The following EEF1E1 variants were observed in gnomAD, a reference collection of about 807,000 sequenced individuals.
EEF1E1 encodes eukaryotic translation elongation factor 1 epsilon-1.
EEF1E1 carries 19 observed loss-of-function variants against 19.9 expected under a neutral mutation model. That is an observed-to-expected ratio of 0.95 (90% CI 0.66 to 1.40). The LOEUF (loss-of-function observed/expected upper bound fraction) is 1.40. Among genes scored for constraint, EEF1E1 ranks in the 40% most tolerant of loss-of-function variants. The pLI is 0.00. For missense variants in EEF1E1, 198 were observed against 202.2 expected, an observed-to-expected ratio of 0.98 and a Z score of 0.13; for synonymous variants, 81 against 80.0, an observed-to-expected ratio of 1.01 and a Z score of -0.07.
At chr6:8,087,905 G>T (rs530222494) in intron 3 of EEF1E1, among the ~76,000 whole-genome samples, 26 of 152,230 alleles carry the variant, frequency 1.7e-4, no homozygotes, top group Non-Finnish European at 3.1e-4. Flanking sequence ...TTTTTCCACA[G>T]GGGGAAGATG....
Position 8,090,425 on chromosome 6 carries a change from A to T in EEF1E1, c.289-144T>A, listed in dbSNP as rs1561884971. On this transcript the variant is annotated intron_variant, in intron 2 of 3. Transcript: ENST00000379715. ...AATTTACTCTTTGACATTAATATTC[A>T]TTCAAAATCACAAATAATACGCCAG... 4 of 632,136 alleles carry T rather than the reference A, an allele frequency of 6.3e-6. No homozygotes were observed. In the East Asian group the frequency reaches 1.4e-4, roughly 22 times the overall value. 39.2% of individuals were successfully genotyped at this position (632,136 alleles called of 1,614,324 possible).
chr6:8,094,720 G>A (rs1758118294), intron 2 of EEF1E1, among the ~76,000 whole-genome samples: 1 of 152,086 alleles, frequency 6.6e-6, no homozygotes. Flanking sequence ...AATTGCACAG[G>A]TCCACTTAAA....
At chr6:8,081,547 T>C (rs575332703) in intron 3 of EEF1E1, among the ~76,000 whole-genome samples, 1 of 152,336 alleles carries the variant, frequency 6.6e-6, no homozygotes, top group African/African-American at 2.4e-5. Flanking sequence ...AAACTGAGCA[T>C]CAGTCTATAT....
chr6:8,095,143 G>C (rs528645656), intron 2 of EEF1E1, among the ~76,000 whole-genome samples: 14 of 152,146 alleles, frequency 9.2e-5, no homozygotes, highest in Non-Finnish European at 1.8e-4. Flanking sequence ...TTATTAAAAG[G>C]AGAGTGTAAG....
chr6:8,099,751 AACACACACACACACACACACACAC>A (rs1554099744), intron 1 of EEF1E1, among the ~76,000 whole-genome samples: 1 of 92,930 alleles, frequency 1.1e-5, no homozygotes, highest in Non-Finnish European at 2.0e-5. Context: ...CCGCCTCAAA[AACACACACACACACACACACACAC>A]ACACACACAC....
chr6:8,093,883 C>T (rs761052812), intron 2 of EEF1E1, among the ~76,000 whole-genome samples: 12 of 151,876 alleles, frequency 7.9e-5, no homozygotes, highest in African/African-American at 1.9e-4. Context: ...CTGCAACCTC[C>T]GCCTCCCAGG....
intron 1 of EEF1E1, 75 bp downstream of exon 1, chr6:8,102,360 G>C: frequency 6.9e-7 from 1 of 1,449,602 alleles, no homozygotes; most frequent in South Asian, 1.2e-5. Context: ...CTGGTGGCCG[G>C]CCCGGGTCCT....
chr6:8,084,873 G>C (rs1049693457), intron 3 of EEF1E1, among the ~76,000 whole-genome samples: 2 of 152,190 alleles, frequency 1.3e-5, no homozygotes, highest in African/African-American at 4.8e-5. Flanking sequence ...GCCACCAGGA[G>C]AGAGATGCTT....
intron 3 of EEF1E1, among the ~76,000 whole-genome samples, chr6:8,081,473 T>G (rs1421796768): frequency 6.6e-6 from 1 of 152,324 alleles, no homozygotes; most frequent in East Asian, 1.9e-4. Flanking sequence ...ACTGGTAGAT[T>G]CAAACTGAAA....
chr6:8,102,455 T>A lies in EEF1E1; in HGVS notation c.67A>T (p.Ser23Cys). The A allele has an allele frequency of 6.2e-7, 1 of 1,612,408 alleles. No homozygotes were observed. Among genetic ancestry groups the A allele is most frequent in the Non-Finnish European group, 8.5e-7 (1 of 1,179,806 alleles). Reference protein sequence around the residue: ...SLGLSKGNKYSAQGERQIPVL... With the variant: ...SLGLSKGNKYCAQGERQIPVL... ...CTCACCTGTCGCTCGCCCTGAGCAC[T>A]GTATTTATTCCCCTTACTCAGTCCC... is the stretch of plus-strand genomic sequence containing the variant. Residue 23 changes from serine to cysteine, a missense_variant, in exon 1 of 4, where the codon AGT becomes TGT. Ser to Cys is a moderately radical substitution (Grantham distance 112). Transcript: ENST00000379715.
At chr6:8,078,737 T>G (rs1225343574), downstream of EEF1E1, 1 of 1,285,180 alleles carries the variant, frequency 7.8e-7, no homozygotes, top group East Asian at 5.7e-5. Flanking sequence ...CAATCATGAT[T>G]TGCCTGGAGA....
At chr6:8,083,902 T>C (rs567407345) in intron 3 of EEF1E1, among the ~76,000 whole-genome samples, 1 of 152,340 alleles carries the variant, frequency 6.6e-6, no homozygotes, top group African/African-American at 2.4e-5. Context: ...CACATCTGTA[T>C]GTATTTGTAC....
At position 8,102,502 on chromosome 6, in the gene EEF1E1, A is replaced by G; in HGVS notation, c.20T>C (p.Leu7Ser). The change falls in exon 1 of 4, where the codon TTG becomes TCG. Residue 7 changes from leucine to serine, a missense_variant. Physicochemically the swap from Leu to Ser is moderately radical, Grantham distance 145. Coordinates refer to ENST00000379715, the MANE Select transcript of EEF1E1 (RefSeq NM_004280.5). ...TCCCAGGGACTTCTCCAGTAGCGACAACTCTGCGGCCGCCGCCATCTTCCG... is the reference window on the plus strand; with the variant it reads ...TCCCAGGGACTTCTCCAGTAGCGACGACTCTGCGGCCGCCGCCATCTTCCG... Reference protein sequence around the residue: MAAAAELSLLEKSLGLS... With the variant: MAAAAESSLLEKSLGLS... The G allele has an allele frequency of 6.2e-7, 1 of 1,611,690 alleles. No homozygotes were observed. Among genetic ancestry groups the G allele is most frequent in the Non-Finnish European group, 8.5e-7 (1 of 1,179,982 alleles).
In EEF1E1 at chr6:8,079,745, C is replaced by A; in HGVS notation, c.*145G>T. ...TCAGCTAAAGAACAAATAAAACATT[C>A]AGACACAAGTTTACACTTCAAAAAT... On this transcript the variant is annotated 3_prime_UTR_variant, in exon 4 of 4. Coordinates refer to ENST00000379715, the MANE Select transcript of EEF1E1 (RefSeq NM_004280.5). 7.7e-7 allele frequency: 1 copy of A among 1,294,672 alleles called. No homozygotes were observed. The allele number at this position is 1,294,672 out of a possible 1,614,324, so 80.2% of individuals were successfully genotyped here.
At chr6:8,077,861 G>A (rs1022785950), downstream of EEF1E1, among the ~76,000 whole-genome samples, 2 of 152,106 alleles carry the variant, frequency 1.3e-5, no homozygotes, top group Admixed American at 6.5e-5. Flanking sequence ...GCACAATCAC[G>A]GCTCACTGCA....
rs138041230 is a variant in EEF1E1, at chr6:8,083,708, T to C, written c.385-3678A>G. On this transcript the variant is annotated intron_variant, in intron 3 of 3. Coordinates refer to ENST00000379715, the MANE Select transcript of EEF1E1 (RefSeq NM_004280.5). ...CTCGAAGGTTCCTTGACTGCTGTTT[T>C]GTACACTGTGCTGATTACATATTCC... Among the ~76,000 whole-genome samples, 163 of 152,378 alleles carry C rather than the reference T, an allele frequency of 1.1e-3. 1 individual carries two copies. Among genetic ancestry groups the C allele is most frequent in the Middle Eastern group, 0.01 (3 of 294 alleles).
Position 8,073,449 on chromosome 6 carries a change from A to T in EEF1E1, c.*26T>A, listed in dbSNP as rs537356999. The T allele has an allele frequency of 3.5e-5, 54 of 1,551,100 alleles. No homozygotes were observed. The African/African-American group carries it at 3.7e-4, about 11-fold the overall frequency. The stretch of plus-strand genomic sequence containing the variant: ...TTTGTGTTTGAATCTCAGTTCCTTG[A>T]TCTCAGTTCCTTGTATGATGTTGGG... On this transcript the variant is annotated 3_prime_UTR_variant, in exon 4 of 4. Transcript: ENST00000429723.
At chr6:8,088,017 T>C (rs552889128) in intron 3 of EEF1E1, among the ~76,000 whole-genome samples, 1 of 152,276 alleles carries the variant, frequency 6.6e-6, no homozygotes, top group East Asian at 1.9e-4. Flanking sequence ...TGGACCTCGT[T>C]CCACCACTTA....
In EEF1E1 at chr6:8,099,778, ACACACACAC is replaced by A. The variant is rs1561646304; in HGVS notation, c.88-2320_88-2312del. 7.8e-3 allele frequency among the ~76,000 whole-genome samples: 991 copies of A among 127,150 alleles called. 13 individuals carry two copies. Among genetic ancestry groups the A allele is most frequent in the Non-Finnish European group, 0.012 (694 of 60,080 alleles). The allele number at this position is 127,150 out of a possible 152,430, so 83.4% of individuals were successfully genotyped here. A position where few individuals can be genotyped will look rare whatever the true frequency, so the allele number is the denominator to read the frequency against. On this transcript the variant is annotated intron_variant, in intron 1 of 3. Coordinates refer to ENST00000379715, the MANE Select transcript of EEF1E1 (RefSeq NM_004280.5). ...CACACACACACACACACACACACAC[ACACACACAC>A]ACACAAAAAAAAAACAGAACCCTCT...
Sources: gnomAD v4.1 joint callset for allele counts (sites outside exome capture counted in the v4.1 genomes callset) on GRCh38, gnomAD v4.1.1 for gene constraint, MANE v1.5 for transcripts, NCBI Gene and HGNC (gene_info 2026-07-23, HGNC 2026-07-21) for gene names.